Variants in PACRGL observed in about 807,000 individuals in gnomAD.
PACRGL encodes the protein parkin coregulated like, also known as PACRG-like protein.
Under a neutral mutation model 34.5 loss-of-function variants are expected in PACRGL, and 38 were observed. The observed-to-expected ratio is 1.10, with a 90% CI of 0.85 to 1.44. The LOEUF is 1.44. Among genes scored for constraint, PACRGL ranks in the 40% most tolerant of loss-of-function variants. The probability of loss-of-function intolerance (pLI) is 0.00; values close to 1 mark genes in which losing one functional copy is unlikely to be tolerated. For missense variants in PACRGL, 305 were observed against 281.4 expected (o/e 1.08, Z -0.60); for synonymous variants, 128 against 100.1 (o/e 1.28, Z -1.66).
chr4:20,739,059 G>A (rs1750412776), intron 8 of PACRGL, among the ~76,000 whole-genome samples: 1 of 152,266 alleles, frequency 6.6e-6, no homozygotes, highest in East Asian at 1.9e-4. Context: ...CACCATTGCT[G>A]AGACTTGACT....
chr4:20,710,305 C>G (rs1272169383), intron 5 of PACRGL, among the ~76,000 whole-genome samples: 3 of 152,030 alleles, frequency 2.0e-5, no homozygotes, highest in African/African-American at 7.2e-5. Context: ...TGATAGCTTC[C>G]TTTATATAAT....
downstream of PACRGL, chr4:20,732,670 T>G: frequency 2.5e-6 from 4 of 1,581,772 alleles, no homozygotes; most frequent in Non-Finnish European, 3.5e-6. Context: ...GACTTCTGTT[T>G]TAATTCCTAC....
chr4:20,702,065 T>C, intron 1 of PACRGL: 1 of 442,358 alleles, frequency 2.3e-6, no homozygotes, highest in South Asian at 1.6e-5. Context: ...TTTTCTACCA[T>C]GTTTAAAACT....
intron 8 of PACRGL, among the ~76,000 whole-genome samples, chr4:20,747,117 A>T (rs1752556398): frequency 6.6e-6 from 1 of 152,214 alleles, no homozygotes; most frequent in Admixed American, 6.5e-5. Flanking sequence ...CCAAATTATA[A>T]TCAACGTTCA....
rs1181721958 is a variant in PACRGL, at chr4:20,731,553, CACAT to C, written c.*4216_*4219del. 2 of 985,210 alleles carry C rather than the reference CACAT, an allele frequency of 2.0e-6. No homozygotes were observed. The highest frequency in any genetic ancestry group is 2.4e-6 in the Non-Finnish European group (2 of 829,912). 61.0% of individuals were successfully genotyped at this position (985,210 alleles called of 1,614,324 possible). ...TTCAGTCAAAGAGCCATTTCTTGTC[CACAT>C]ACACTAAAACAATGACTTTTCTCTT... On this transcript the variant is annotated 3_prime_UTR_variant, in exon 9 of 9. Coordinates refer to ENST00000503585, the MANE Select transcript of PACRGL (RefSeq NM_001258345.3).
At chr4:20,716,476 C>G (rs538222549) in intron 7 of PACRGL, among the ~76,000 whole-genome samples, 12 of 152,242 alleles carry the variant, frequency 7.9e-5, no homozygotes, top group Admixed American at 2.6e-4. Context: ...TTAGGTATAT[C>G]TCCTAATGGT....
chr4:20,759,858 T>G, the PACRGL span, among the ~76,000 whole-genome samples: 2 of 152,108 alleles, frequency 1.3e-5, no homozygotes, highest in African/African-American at 2.4e-5. Flanking sequence ...TCATGTGAGA[T>G]ATTAACTGTA....
chr4:20,733,180 G>A (rs111319668), downstream of PACRGL, among the ~76,000 whole-genome samples: 429 of 152,148 alleles, frequency 2.8e-3, 3 homozygotes, highest in African/African-American at 1.0e-2. Flanking sequence ...ACGGCACATC[G>A]TATATTGAGA....
At chr4:20,757,759 C>T (rs1007120994), downstream of PACRGL, among the ~76,000 whole-genome samples, 7 of 152,100 alleles carry the variant, frequency 4.6e-5, no homozygotes, top group African/African-American at 1.4e-4. Flanking sequence ...TTAGTTTCCA[C>T]GTGTGTATCT....
At chr4:20,719,883 C>G (rs1291537154) in intron 7 of PACRGL, among the ~76,000 whole-genome samples, 1 of 151,914 alleles carries the variant, frequency 6.6e-6, no homozygotes, top group African/African-American at 2.4e-5. Flanking sequence ...CCTGGGTATC[C>G]TTGTTAACTT....
At position 20,727,423 on chromosome 4, in the gene PACRGL, T is replaced by C. The variant is rs527876816; in HGVS notation, c.*82T>C. The C allele has an allele frequency of 1.1e-5, 13 of 1,179,420 alleles. No individual in the cohort carries two copies. In the African/African-American group the frequency reaches 2.0e-4, roughly 18 times the overall value. The allele number at this position is 1,179,420 out of a possible 1,614,324, so 73.1% of individuals were successfully genotyped here. Reference sequence around the variant, plus strand: ...GTGGGTACTCATTTATTTTATTCTTTTGTAAATCACAGCCACCATTCATTA... The same window carrying C: ...GTGGGTACTCATTTATTTTATTCTTCTGTAAATCACAGCCACCATTCATTA... On this transcript the variant is annotated 3_prime_UTR_variant, in exon 9 of 9. Coordinates refer to ENST00000503585, the MANE Select transcript of PACRGL (RefSeq NM_001258345.3).
intron 8 of PACRGL, among the ~76,000 whole-genome samples, chr4:20,738,356 T>C (rs1048547401): frequency 2.0e-5 from 3 of 152,240 alleles, no homozygotes; most frequent in African/African-American, 7.2e-5. Context: ...AGAGTATTGG[T>C]TCTCAAAATA....
chr4:20,759,758 G>T, the PACRGL span, among the ~76,000 whole-genome samples: 1 of 152,150 alleles, frequency 6.6e-6, no homozygotes, highest in Non-Finnish European at 1.5e-5. Context: ...CCATTTTTTG[G>T]AGTTATAAGA....
chr4:20,704,118 G>C (rs1370743457), intron 1 of PACRGL, among the ~76,000 whole-genome samples: 4 of 152,164 alleles, frequency 2.6e-5, no homozygotes, highest in Non-Finnish European at 4.4e-5. Context: ...TGGAGAAGAT[G>C]ACAGGGAATG....
intron 8 of PACRGL, among the ~76,000 whole-genome samples, chr4:20,743,125 A>G (rs1019395990): frequency 6.6e-6 from 1 of 151,926 alleles, no homozygotes; most frequent in African/African-American, 2.4e-5. Context: ...AGAGGACACA[A>G]ACAAATGGAA....
intron 8 of PACRGL, among the ~76,000 whole-genome samples, chr4:20,746,731 G>C (rs1752498732): frequency 6.6e-6 from 1 of 152,158 alleles, no homozygotes; most frequent in African/African-American, 2.4e-5. Flanking sequence ...TAGGGTCTCA[G>C]AGCCGCTGGG....
intron 4 of PACRGL, among the ~76,000 whole-genome samples, 186 bp from the exon 5 acceptor site, chr4:20,709,497 G>A (rs537433671): frequency 6.6e-6 from 1 of 152,162 alleles, no homozygotes; most frequent in Non-Finnish European, 1.5e-5. Flanking sequence ...CACTTTTGCT[G>A]TAAGACTAGG....
At chr4:20,763,512 G>T in the PACRGL span, among the ~76,000 whole-genome samples, 88 of 152,094 alleles carry the variant, frequency 5.8e-4, no homozygotes, top group African/African-American at 2.0e-3. Flanking sequence ...GTCTTAAAGT[G>T]GTATACATCA....
intron 7 of PACRGL, among the ~76,000 whole-genome samples, chr4:20,713,956 G>A (rs1738555654): frequency 6.6e-6 from 1 of 152,058 alleles, no homozygotes. Context: ...GTGTGGTGCT[G>A]AAAAAAATGT....
Sources: gnomAD v4.1 joint callset for allele counts (sites outside exome capture counted in the v4.1 genomes callset) on GRCh38, gnomAD v4.1.1 for gene constraint, MANE v1.5 for transcripts, NCBI Gene and HGNC (gene_info 2026-07-23, HGNC 2026-07-21) for gene names.